The following DPP6 variants were observed in gnomAD, a reference collection of about 807,000 sequenced individuals.
DPP6 encodes A-type potassium channel modulatory protein DPP6.
A neutral mutation model predicts 122.6 loss-of-function variants in DPP6; 69 were observed. That is an observed-to-expected ratio of 0.56 (90% CI 0.46 to 0.69). The LOEUF is 0.69. Among genes scored for constraint, DPP6 ranks in the 30% least tolerant of loss-of-function variants. DPP6 has a pLI of 0.00. For synonymous variants in DPP6, 418 were observed against 433.1 expected (o/e 0.97, Z 0.43); for missense variants, 928 against 1,116.9 (o/e 0.83, Z 2.41).
chr7:153,957,565 G>C (rs1023315020), intron 1 of DPP6, among the ~76,000 whole-genome samples: 1 of 152,190 alleles, frequency 6.6e-6, no homozygotes, highest in Non-Finnish European at 1.5e-5. Flanking sequence ...TGGCAAGTGA[G>C]GGCGAGAAGG....
the DPP6 span, among the ~76,000 whole-genome samples, chr7:153,827,403 G>A: frequency 1.3e-5 from 2 of 152,272 alleles, no homozygotes; most frequent in South Asian, 2.1e-4. Context: ...AAGCCACTGG[G>A]CATTACACGT....
intron 18 of DPP6, among the ~76,000 whole-genome samples, chr7:154,870,928 A>C (rs1804325451): frequency 7.0e-6 from 1 of 143,152 alleles, no homozygotes; most frequent in African/African-American, 2.7e-5. Flanking sequence ...GCACTACTGT[A>C]CTCCAGCATG....
At chr7:154,658,116 G>A (rs4257967) in intron 6 of DPP6, among the ~76,000 whole-genome samples, 120,020 of 152,144 alleles carry the variant, frequency 0.79, 48,976 homozygotes, top group South Asian at 0.91. Context: ...GGTGCAAGAC[G>A]GATGGATTTG....
chr7:153,888,048 C>T (rs1428128439), intron 1 of DPP6, among the ~76,000 whole-genome samples: 1 of 152,184 alleles, frequency 6.6e-6, no homozygotes, highest in Non-Finnish European at 1.5e-5. Flanking sequence ...CGGGTCGGTC[C>T]GAGCCCCAAG....
intron 1 of DPP6, among the ~76,000 whole-genome samples, chr7:154,267,718 CACAT>C (rs1464714228): frequency 1.6e-5 from 2 of 126,570 alleles, no homozygotes; most frequent in Admixed American, 8.4e-5. Context: ...CGTATATGCA[CACAT>C]ACATATATAT....
chr7:154,516,046 C>T (rs1229077310), intron 3 of DPP6, among the ~76,000 whole-genome samples: 1 of 152,174 alleles, frequency 6.6e-6, no homozygotes, highest in Non-Finnish European at 1.5e-5. Flanking sequence ...TTTCTTTTCT[C>T]TCTTTTTCCT....
At chr7:154,458,831 C>T (rs1249735509) in intron 2 of DPP6, among the ~76,000 whole-genome samples, 1 of 152,218 alleles carries the variant, frequency 6.6e-6, no homozygotes, top group Non-Finnish European at 1.5e-5. Flanking sequence ...CTGCTCCTTC[C>T]TGCCATTCAC....
At chr7:154,141,884 G>A (rs1052151394) in intron 1 of DPP6, among the ~76,000 whole-genome samples, 3 of 152,190 alleles carry the variant, frequency 2.0e-5, no homozygotes, top group Non-Finnish European at 4.4e-5. Context: ...TGGATTTAAT[G>A]ATCAATTTGC....
intron 13 of DPP6, among the ~76,000 whole-genome samples, 168 bp from the exon 14 acceptor site, chr7:154,803,696 G>A (rs1798517876): frequency 6.6e-6 from 1 of 152,172 alleles, no homozygotes; most frequent in Admixed American, 6.5e-5. Context: ...AAGCCTCAAG[G>A]AGGATGTTGC....
At chr7:154,365,674 C>T (rs552632605) in intron 1 of DPP6, among the ~76,000 whole-genome samples, 1 of 150,878 alleles carries the variant, frequency 6.6e-6, no homozygotes, top group East Asian at 2.0e-4. Context: ...GGGAAGGGGG[C>T]CAGGCGCGGT....
intron 1 of DPP6, among the ~76,000 whole-genome samples, chr7:154,263,997 T>C (rs1055954317): frequency 7.9e-5 from 12 of 152,208 alleles, no homozygotes; most frequent in African/African-American, 2.7e-4. Flanking sequence ...AACCTTGTTA[T>C]GTTCTTTTCT....
At chr7:153,877,144 CT>C in the DPP6 span, among the ~76,000 whole-genome samples, 1 of 151,934 alleles carries the variant, frequency 6.6e-6, no homozygotes, top group East Asian at 1.9e-4. Context: ...AAACCCTTTT[CT>C]TTTTTCAATA....
At position 154,637,809 on chromosome 7, in the gene DPP6, T is replaced by C; in HGVS notation, c.628-12T>C. The C allele has an allele frequency of 1.3e-6, 2 of 1,568,896 alleles. No homozygotes were observed. Among genetic ancestry groups the C allele is most frequent in the East Asian group, 2.3e-5 (1 of 43,602 alleles). ...CTCAATGCCTACCTTTTTTCCTTTT[T>C]GTCTGTTGCAGATATATCAACACTC... On this transcript the variant is annotated splice_polypyrimidine_tract_variant and intron_variant, in intron 5 of 25. Transcript: ENST00000377770.
At position 154,395,963 on chromosome 7, in the gene DPP6, T is replaced by A. The variant is rs1043369601; in HGVS notation, c.244-50251T>A. ...TTTCTTGAGTTTTTTTTTTTTTTAA[T>A]CATAAAGCGCTGTTGAATTCTGTCA... On this transcript the variant is annotated intron_variant, in intron 1 of 25. Coordinates refer to ENST00000377770, the MANE Select transcript of DPP6 (RefSeq NM_130797.4). 1.0e-4 allele frequency among the ~76,000 whole-genome samples: 15 copies of A among 150,520 alleles called. 1 individual carries two copies. Among genetic ancestry groups the A allele is most frequent in the African/African-American group, 3.4e-4 (14 of 41,192 alleles).
intron 8 of DPP6, among the ~76,000 whole-genome samples, chr7:154,757,048 G>C (rs1244883012): frequency 6.6e-6 from 1 of 150,800 alleles, no homozygotes; most frequent in Admixed American, 6.6e-5. Flanking sequence ...TGAGGAACAG[G>C]CCAGCCTCTT....
At chr7:154,063,676 CCA>C (rs1802447868) in intron 1 of DPP6, among the ~76,000 whole-genome samples, 1 of 105,814 alleles carries the variant, frequency 9.5e-6, no homozygotes, top group Non-Finnish European at 1.8e-5. Flanking sequence ...GACCCCCATC[CCA>C]GCGGGGGGAG....
intron 1 of DPP6, among the ~76,000 whole-genome samples, chr7:153,931,993 C>G (rs1194055386): frequency 6.6e-6 from 1 of 152,202 alleles, no homozygotes; most frequent in Non-Finnish European, 1.5e-5. Flanking sequence ...CATTTGTCTT[C>G]TGATCAGAGC....
chr7:154,259,146 C>T (rs1446988830), intron 1 of DPP6, among the ~76,000 whole-genome samples: 1 of 152,204 alleles, frequency 6.6e-6, no homozygotes, highest in Non-Finnish European at 1.5e-5. Flanking sequence ...TCTACAGACT[C>T]AATTCCTGGG....
At chr7:154,001,995 C>T (rs2129046052) in intron 1 of DPP6, among the ~76,000 whole-genome samples, 1 of 152,082 alleles carries the variant, frequency 6.6e-6, no homozygotes, top group African/African-American at 2.4e-5. Context: ...CTTTTTGGTA[C>T]TTACCATTTA....
Sources: allele counts gnomAD v4.1 joint callset (sites outside exome capture counted in the v4.1 genomes callset), GRCh38; gene constraint gnomAD v4.1.1; transcripts MANE v1.5; gene names NCBI Gene and HGNC (gene_info 2026-07-23, HGNC 2026-07-21).